DTNB: variants seen among roughly 807,000 people sequenced by gnomAD.
DTNB encodes the protein DTN-B.
In DTNB, 63 loss-of-function variants were observed where a neutral mutation model predicts 90.7. The ratio of observed to expected loss-of-function variants is 0.69; its 90% confidence interval spans 0.57 to 0.86. The LOEUF (loss-of-function observed/expected upper bound fraction) is 0.86. Ranked by LOEUF, DTNB falls within the 40% of genes least tolerant of loss-of-function variation. DTNB has a pLI of 0.00. For synonymous variants in DTNB, 277 were observed against 286.7 expected, an observed-to-expected ratio of 0.97 and a Z score of 0.34; for missense variants, 744 against 807.1, an observed-to-expected ratio of 0.92 and a Z score of 0.95.
chr2:25,663,220 T>C (rs2083637540), intron 1 of DTNB, among the ~76,000 whole-genome samples: 1 of 152,224 alleles, frequency 6.6e-6, no homozygotes, highest in East Asian at 1.9e-4. Flanking sequence ...GCTTCATCCA[T>C]GTCCCTGCAA....
intron 8 of DTNB, among the ~76,000 whole-genome samples, chr2:25,558,646 AG>A (rs2057754029): frequency 6.6e-6 from 1 of 152,222 alleles, no homozygotes; most frequent in Non-Finnish European, 1.5e-5. Flanking sequence ...CTTTTTAAAC[AG>A]CTGGGTCCAT....
At chr2:25,481,282 G>A (rs576574628) in intron 10 of DTNB, among the ~76,000 whole-genome samples, 7 of 152,064 alleles carry the variant, frequency 4.6e-5, no homozygotes, top group African/African-American at 1.2e-4. Context: ...GCAGGTGCCT[G>A]TAATTCCAGC....
In DTNB at chr2:25,634,694, T is replaced by C. The variant is rs1390334212; in HGVS notation, c.148+4320A>G. The stretch of plus-strand genomic sequence containing the variant: ...GAAAGAGGTAGACATGGGAGACTTC[T>C]CATTTTGTTCTGTACTATGAAAAAT... On this transcript the variant is annotated intron_variant, in intron 3 of 20. Coordinates refer to ENST00000406818, the MANE Select transcript of DTNB (RefSeq NM_021907.5). Among the ~76,000 whole-genome samples the C allele has an allele frequency of 2.6e-5, 3 of 116,004 alleles. 1 individual carries two copies. Among genetic ancestry groups the C allele is most frequent in the Non-Finnish European group, 6.1e-5 (3 of 49,142 alleles). The allele number at this position is 116,004 out of a possible 152,430, so 76.1% of individuals were successfully genotyped here.
intron 2 of DTNB, 118 bp downstream of exon 2, chr2:25,652,476 C>G: frequency 1.0e-6 from 1 of 1,003,848 alleles, no homozygotes; most frequent in Non-Finnish European, 1.4e-6. Flanking sequence ...TCCCATTCTT[C>G]CCTCTGCAAA....
intron 2 of DTNB, among the ~76,000 whole-genome samples, chr2:25,641,567 ACTC>A (rs1210049240): frequency 6.6e-6 from 1 of 151,806 alleles, no homozygotes; most frequent in Non-Finnish European, 1.5e-5. Flanking sequence ...CCTGGCAACT[ACTC>A]CTTGCAAAAC....
chr2:25,428,008 T>C (rs918264030), intron 14 of DTNB: 1 of 162,826 alleles, frequency 6.1e-6, no homozygotes, highest in Non-Finnish European at 1.3e-5. Flanking sequence ...CAGGGTCCAG[T>C]AGTAAGTACT....
chr2:25,573,869 T>A (rs924872321), intron 8 of DTNB, among the ~76,000 whole-genome samples: 5 of 152,232 alleles, frequency 3.3e-5, no homozygotes, highest in African/African-American at 1.2e-4. Context: ...AAAGTTCTTA[T>A]CATGCCTCCA....
At chr2:25,462,726 C>T (rs1331846030) in intron 10 of DTNB, among the ~76,000 whole-genome samples, 24 of 150,072 alleles carry the variant, frequency 1.6e-4, no homozygotes, top group South Asian at 6.3e-4. Context: ...TTTTTTGAGA[C>T]GGAGTCTCGC....
chr2:25,582,586 T>C (rs1036605167), intron 6 of DTNB, among the ~76,000 whole-genome samples: 3 of 152,054 alleles, frequency 2.0e-5, no homozygotes, highest in Non-Finnish European at 2.9e-5. Context: ...AGTTAAGTAA[T>C]TGGACAGTTC....
intron 10 of DTNB, among the ~76,000 whole-genome samples, chr2:25,462,434 G>A (rs1201526318): frequency 6.6e-6 from 1 of 152,130 alleles, no homozygotes; most frequent in Non-Finnish European, 1.5e-5. Flanking sequence ...TATGTACCAA[G>A]CAGGAGGCAG....
intron 8 of DTNB, among the ~76,000 whole-genome samples, chr2:25,531,949 G>A (rs750948322): frequency 9.2e-5 from 14 of 152,022 alleles, no homozygotes; most frequent in Admixed American, 2.6e-4. Context: ...GATCAGAGTC[G>A]GAACTTTTTG....
At chr2:25,417,024 C>T (rs2048164138) in intron 16 of DTNB, among the ~76,000 whole-genome samples, 1 of 152,184 alleles carries the variant, frequency 6.6e-6, no homozygotes, top group East Asian at 1.9e-4. Flanking sequence ...ATTTGAGCCT[C>T]AGAGCTGAAC....
At chr2:25,441,473 C>A (rs1429653091) in intron 12 of DTNB, among the ~76,000 whole-genome samples, 2 of 152,138 alleles carry the variant, frequency 1.3e-5, no homozygotes, top group Non-Finnish European at 2.9e-5. Context: ...TGTTATATAA[C>A]TTGTTTGGTA....
intron 1 of DTNB, among the ~76,000 whole-genome samples, chr2:25,667,024 G>C (rs1242017773): frequency 4.0e-5 from 6 of 151,872 alleles, no homozygotes; most frequent in Non-Finnish European, 7.4e-5. Flanking sequence ...TAACTCAAAG[G>C]GCAGGACCCT....
At chr2:25,501,469 T>A (rs1272552377) in intron 9 of DTNB, among the ~76,000 whole-genome samples, 5 of 151,982 alleles carry the variant, frequency 3.3e-5, no homozygotes, top group Admixed American at 1.3e-4. Context: ...AATCTCCACC[T>A]CCCAGGCTTA....
chr2:25,636,755 T>C (rs2077209430), intron 3 of DTNB, among the ~76,000 whole-genome samples: 2 of 152,174 alleles, frequency 1.3e-5, no homozygotes, highest in African/African-American at 4.8e-5. Context: ...TTTTCTTCCT[T>C]TTTTTTCCTA....
intron 8 of DTNB, among the ~76,000 whole-genome samples, chr2:25,552,657 CT>C (rs1271876910): frequency 6.6e-6 from 1 of 152,190 alleles, no homozygotes; most frequent in Non-Finnish European, 1.5e-5. Context: ...CTGAGGCCTA[CT>C]AAGGGTTTCC....
At chr2:25,501,643 G>A (rs2070743588) in intron 9 of DTNB, among the ~76,000 whole-genome samples, 1 of 152,148 alleles carries the variant, frequency 6.6e-6, no homozygotes, top group Non-Finnish European at 1.5e-5. Flanking sequence ...AAAGTGCTGG[G>A]ATTACAGGCA....
At chr2:25,461,124 G>T (rs1455724059) in intron 10 of DTNB, among the ~76,000 whole-genome samples, 6 of 152,192 alleles carry the variant, frequency 3.9e-5, no homozygotes, top group Non-Finnish European at 8.8e-5. Context: ...GGCTGGTCTT[G>T]TACTCCCGAC....
Sources: gnomAD v4.1 joint callset for allele counts (sites outside exome capture counted in the v4.1 genomes callset) on GRCh38, gnomAD v4.1.1 for gene constraint, MANE v1.5 for transcripts, NCBI Gene and HGNC (gene_info 2026-07-23, HGNC 2026-07-21) for gene names.